The following PCDH15 variants were observed in gnomAD, a reference collection of about 807,000 sequenced individuals.
The protein encoded by PCDH15 is protocadherin-15.
Under a neutral mutation model 178.5 loss-of-function variants are expected in PCDH15, and 129 were observed. The observed-to-expected ratio is 0.72, with a 90% CI of 0.63 to 0.84. PCDH15 has a LOEUF of 0.84. Ranked by LOEUF, PCDH15 falls within the 40% of genes least tolerant of loss-of-function variation. PCDH15 has a pLI of 0.00. For synonymous variants in PCDH15, 800 were observed against 732.0 expected, an observed-to-expected ratio of 1.09 and a Z score of -1.50; for missense variants, 2,230 against 2,099.9, an observed-to-expected ratio of 1.06 and a Z score of -1.21.
At chr10:55,164,275 G>A (rs1839139288) in intron 2 of PCDH15, among the ~76,000 whole-genome samples, 1 of 151,672 alleles carries the variant, frequency 6.6e-6, no homozygotes, top group Non-Finnish European at 1.5e-5. Flanking sequence ...GTATAACTGG[G>A]TTTCACCTAT....
chr10:55,461,281 C>A (rs1839671162), intron 2 of PCDH15, among the ~76,000 whole-genome samples: 1 of 152,116 alleles, frequency 6.6e-6, no homozygotes, highest in Non-Finnish European at 1.5e-5. Flanking sequence ...GGATACTCCT[C>A]CCTGCACCAC....
At chr10:55,061,145 A>C (rs1841418845) in intron 2 of PCDH15, among the ~76,000 whole-genome samples, 1 of 152,184 alleles carries the variant, frequency 6.6e-6, no homozygotes, top group African/African-American at 2.4e-5. Flanking sequence ...TATAAGTCAC[A>C]GATAATATTT....
intron 10 of PCDH15, among the ~76,000 whole-genome samples, chr10:54,203,960 T>A (rs2050517657): frequency 6.6e-6 from 1 of 152,218 alleles, no homozygotes; most frequent in Non-Finnish European, 1.5e-5. Context: ...ATCCTGTCTT[T>A]CTTTATGGAT....
chr10:54,191,985 AC>A (rs1359058984), intron 11 of PCDH15, among the ~76,000 whole-genome samples: 1 of 130,770 alleles, frequency 7.6e-6, no homozygotes, highest in Admixed American at 7.9e-5. Context: ...GAAGGAAGGG[AC>A]GGGGGGAAGG....
chr10:54,134,538 G>A (rs948447104), intron 14 of PCDH15, among the ~76,000 whole-genome samples: 16 of 151,860 alleles, frequency 1.1e-4, no homozygotes, highest in African/African-American at 3.6e-4. Flanking sequence ...TGGATCATGC[G>A]GTCAGGAGAT....
chr10:54,679,202 A>AC (rs1266202819), intron 1 of PCDH15, among the ~76,000 whole-genome samples: 10 of 151,746 alleles, frequency 6.6e-5, no homozygotes, highest in Non-Finnish European at 1.5e-4. Context: ...AAAAAAAAAA[A>AC]AAAAAAAAAC....
At chr10:54,774,006 G>GTT (rs1949392260) in intron 1 of PCDH15, among the ~76,000 whole-genome samples, 1 of 90,660 alleles carries the variant, frequency 1.1e-5, no homozygotes, top group Non-Finnish European at 2.2e-5. Context: ...TACTTCATAG[G>GTT]CTTTTTTTTT....
intron 2 of PCDH15, among the ~76,000 whole-genome samples, chr10:55,077,383 T>A (rs1174226128): frequency 6.8e-6 from 1 of 146,680 alleles, no homozygotes; most frequent in Non-Finnish European, 1.5e-5. Context: ...GTCCCTATGG[T>A]TTGGTGGTTT....
At chr10:53,808,870 G>T in intron 37 of PCDH15, 1 of 1,604,460 alleles carries the variant, frequency 6.2e-7, no homozygotes, top group South Asian at 1.1e-5. Context: ...TCCTTCCACC[G>T]AAGCTGATTC....
At chr10:54,039,540 A>C (rs1432424775) in intron 18 of PCDH15, among the ~76,000 whole-genome samples, 1 of 152,028 alleles carries the variant, frequency 6.6e-6, no homozygotes, top group South Asian at 2.1e-4. Flanking sequence ...GATATCTAAC[A>C]GAAGGAAAAA....
chr10:53,985,338 A>T (rs2091018777), intron 21 of PCDH15, among the ~76,000 whole-genome samples: 1 of 152,190 alleles, frequency 6.6e-6, no homozygotes, highest in Admixed American at 6.5e-5. Flanking sequence ...AGGGTACTTC[A>T]CACTAACTAA....
At chr10:55,218,561 A>G (rs2132180481) in intron 1 of PCDH15, among the ~76,000 whole-genome samples, 1 of 152,176 alleles carries the variant, frequency 6.6e-6, no homozygotes, top group East Asian at 1.9e-4. Flanking sequence ...TGCAAGCAAT[A>G]CATGTGGAGC....
At chr10:54,902,998 C>A (rs1170028689) in intron 2 of PCDH15, among the ~76,000 whole-genome samples, 1 of 152,126 alleles carries the variant, frequency 6.6e-6, no homozygotes, top group Admixed American at 6.6e-5. Context: ...GGAACCTAGC[C>A]TGTTTAACAA....
At chr10:54,706,245 A>T (rs1277783239) in intron 1 of PCDH15, among the ~76,000 whole-genome samples, 6 of 152,218 alleles carry the variant, frequency 3.9e-5, no homozygotes, top group Non-Finnish European at 8.8e-5. Context: ...TCTTTAATAT[A>T]GAAAACAAAC....
intron 3 of PCDH15, among the ~76,000 whole-genome samples, chr10:54,381,970 A>G (rs1949289056): frequency 6.6e-6 from 1 of 152,164 alleles, no homozygotes; most frequent in Non-Finnish European, 1.5e-5. Context: ...ACTATAAGAG[A>G]AAAGGCATTT....
At chr10:54,430,107 G>A (rs1219012363) in intron 3 of PCDH15, among the ~76,000 whole-genome samples, 3 of 144,108 alleles carry the variant, frequency 2.1e-5, no homozygotes, top group Non-Finnish European at 3.0e-5. Flanking sequence ...CCAGGCTGGA[G>A]TGCAACTGTG....
intron 18 of PCDH15, among the ~76,000 whole-genome samples, chr10:54,036,103 T>C (rs999922237): frequency 5.3e-5 from 8 of 151,760 alleles, no homozygotes; most frequent in African/African-American, 1.7e-4. Flanking sequence ...GTTCATGAAA[T>C]TTAAGGGAAA....
chr10:54,463,238 T>A (rs2077310158), intron 3 of PCDH15, among the ~76,000 whole-genome samples: 1 of 152,214 alleles, frequency 6.6e-6, no homozygotes. Context: ...ATTTTATATA[T>A]TGTAAGGACT....
intron 1 of PCDH15, among the ~76,000 whole-genome samples, chr10:54,709,680 A>ATGTG (rs61198105): frequency 7.1e-5 from 10 of 141,454 alleles, no homozygotes; most frequent in South Asian, 2.2e-4. Flanking sequence ...TATGGGAGTA[A>ATGTG]TGTGTGTGTG....
Sources: gnomAD v4.1 joint callset for allele counts (sites outside exome capture counted in the v4.1 genomes callset) on GRCh38, gnomAD v4.1.1 for gene constraint, MANE v1.5 for transcripts, NCBI Gene and HGNC (gene_info 2026-07-23, HGNC 2026-07-21) for gene names.